The following CRACD variants were observed in gnomAD, a reference collection of about 807,000 sequenced individuals.
CRACD encodes the protein capping protein inhibiting regulator of actin dynamics, also known as capping protein-inhibiting regulator of actin dynamics.
In CRACD, 56 loss-of-function variants were observed where a neutral mutation model predicts 106.8. The observed-to-expected ratio is 0.52, with a 90% CI of 0.42 to 0.66. The LOEUF (loss-of-function observed/expected upper bound fraction) is 0.66, where lower values mean the gene tolerates loss of function less well. CRACD is among the 30% of genes least tolerant of loss of function. CRACD has a pLI of 0.00. For missense variants in CRACD, 1,730 were observed against 1,623.2 expected, an observed-to-expected ratio of 1.07 and a Z score of -1.13; for synonymous variants, 754 against 670.8, an observed-to-expected ratio of 1.12 and a Z score of -1.92.
At chr4:56,054,220 AC>A (rs1731974262) in intron 1 of CRACD, among the ~76,000 whole-genome samples, 1 of 152,038 alleles carries the variant, frequency 6.6e-6, no homozygotes. Flanking sequence ...TTGCTCTGTC[AC>A]CCAGGCTGGA....
chr4:56,065,708 A>AC (rs1383821809), intron 1 of CRACD, among the ~76,000 whole-genome samples: 1 of 151,930 alleles, frequency 6.6e-6, no homozygotes, highest in East Asian at 1.9e-4. Flanking sequence ...TTACTATTTT[A>AC]CCCATTTTTA....
At chr4:56,231,934 G>A (rs564182781) in intron 2 of CRACD, among the ~76,000 whole-genome samples, 11 of 152,300 alleles carry the variant, frequency 7.2e-5, no homozygotes, top group Non-Finnish European at 7.4e-5. Context: ...TAAAGAACAT[G>A]TGTTGTGTAT....
intron 5 of CRACD, chr4:56,308,769 A>G (rs899943224): frequency 1.0e-6 from 1 of 985,274 alleles, no homozygotes; most frequent in African/African-American, 1.7e-5. Flanking sequence ...CGGCAGCTCT[A>G]AAATTGCTCT....
chr4:56,215,123 C>A (rs919752257), intron 2 of CRACD, among the ~76,000 whole-genome samples: 5 of 152,174 alleles, frequency 3.3e-5, no homozygotes, highest in African/African-American at 1.2e-4. Flanking sequence ...ATTCTTCCCA[C>A]CTCAGCCTCC....
intron 2 of CRACD, among the ~76,000 whole-genome samples, chr4:56,193,421 A>G (rs556525275): frequency 1.3e-5 from 2 of 152,320 alleles, no homozygotes; most frequent in Admixed American, 6.5e-5. Context: ...GGGGGAGACT[A>G]TTTAAAAGAA....
At chr4:56,291,515 C>A (rs755744111) in intron 3 of CRACD, among the ~76,000 whole-genome samples, 1 of 152,094 alleles carries the variant, frequency 6.6e-6, no homozygotes, top group Non-Finnish European at 1.5e-5. Flanking sequence ...GAACTTTGGG[C>A]AATATTTTTA....
rs1745471814 is a variant in CRACD at position 56,314,902 on chromosome 4, G to A, written c.1400G>A (p.Arg467Lys). 1 of 1,609,298 alleles carries A rather than the reference G, an allele frequency of 6.2e-7. No individual in the cohort carries two copies. The highest frequency in any genetic ancestry group is 8.5e-7 in the Non-Finnish European group (1 of 1,178,622). Reference protein sequence around the residue: ...EAERRREQQGRSGDFQGADRP... With the variant: ...EAERRREQQGKSGDFQGADRP... The stretch of plus-strand genomic sequence containing the variant: ...GAGCGGCGAAGAGAGCAGCAGGGAA[G>A]GAGCGGGGATTTCCAGGGGGCCGAT... The change falls in exon 8 of 11, where the codon AGG becomes AAG. Residue 467 changes from arginine to lysine, a missense_variant. Physicochemically the swap from Arg to Lys is conservative, Grantham distance 26. Coordinates refer to ENST00000682029, the MANE Select transcript of CRACD (RefSeq NM_001393381.1). The surrounding 1 kb of genome is among the most constrained non-coding windows in gnomAD (Gnocchi z 4.4).
intron 1 of CRACD, among the ~76,000 whole-genome samples, chr4:56,101,683 A>C (rs900418843): frequency 2.3e-4 from 35 of 151,558 alleles, no homozygotes; most frequent in African/African-American, 8.0e-4. Flanking sequence ...GAATCGCTTG[A>C]ACCCAGCAGG....
chr4:56,253,426 C>T (rs1212184238), intron 2 of CRACD, among the ~76,000 whole-genome samples: 1 of 152,150 alleles, frequency 6.6e-6, no homozygotes, highest in Non-Finnish European at 1.5e-5. Flanking sequence ...CCTCATTTTG[C>T]AGATGTGGGA....
At chr4:56,066,888 A>G (rs1013250487) in intron 1 of CRACD, among the ~76,000 whole-genome samples, 11 of 152,200 alleles carry the variant, frequency 7.2e-5, no homozygotes, top group Non-Finnish European at 1.2e-4. Context: ...TGACTGAAAA[A>G]CAGTCTAGAA....
intron 3 of CRACD, among the ~76,000 whole-genome samples, chr4:56,290,460 TGAG>T (rs772864857): frequency 6.6e-6 from 1 of 152,036 alleles, no homozygotes; most frequent in Admixed American, 6.6e-5. Flanking sequence ...TGGAGACACA[TGAG>T]GAGAAGAAGA....
intron 1 of CRACD, among the ~76,000 whole-genome samples, chr4:56,177,495 G>A (rs532450068): frequency 6.6e-6 from 1 of 152,052 alleles, no homozygotes; most frequent in South Asian, 2.1e-4. Context: ...TCTTTTTTAT[G>A]TCTTTGGTTT....
rs1256159905 is a variant in CRACD at position 56,292,465 on chromosome 4, CT to C, written c.-16-5748del. Among the ~76,000 whole-genome samples the C allele has an allele frequency of 3.3e-5, 5 of 152,016 alleles. No individual in the cohort carries two copies. The South Asian group carries it at 8.3e-4, about 25-fold the overall frequency. On this transcript the variant is annotated intron_variant, in intron 3 of 10. Coordinates refer to ENST00000682029, the MANE Select transcript of CRACD (RefSeq NM_001393381.1). ...TGGATTGAAGTGATGTGCTTCTTTGCTGTTTGAAGCCTTCAAGAAGATCAGG... is the reference window on the plus strand; with the variant it reads ...TGGATTGAAGTGATGTGCTTCTTTGCGTTTGAAGCCTTCAAGAAGATCAGG...
At chr4:56,289,251 AT>A (rs898002309) in intron 3 of CRACD, among the ~76,000 whole-genome samples, 9 of 152,228 alleles carry the variant, frequency 5.9e-5, no homozygotes, top group Admixed American at 1.3e-4. Context: ...TACTTAAAAA[AT>A]GTTAAAATAC....
chr4:56,185,167 C>T (rs1462519767), intron 2 of CRACD, among the ~76,000 whole-genome samples: 1 of 152,096 alleles, frequency 6.6e-6, no homozygotes. Context: ...CTGTGTTAGC[C>T]AGGATGGTCT....
intron 3 of CRACD, among the ~76,000 whole-genome samples, chr4:56,274,219 C>T (rs1437782616): frequency 6.6e-6 from 1 of 152,154 alleles, no homozygotes; most frequent in African/African-American, 2.4e-5. Flanking sequence ...AGTTTGAATC[C>T]ATTTTGATTT....
chr4:56,092,595 T>TCTTTTTTA (rs967626565), intron 1 of CRACD, among the ~76,000 whole-genome samples: 4 of 152,164 alleles, frequency 2.6e-5, no homozygotes, highest in African/African-American at 9.7e-5. Flanking sequence ...TTATTTTATT[T>TCTTTTTTA]ATTTTTTAAT....
chr4:56,295,660 CATATATATATATATATA>C (rs1743968500), intron 3 of CRACD, among the ~76,000 whole-genome samples: 1 of 109,116 alleles, frequency 9.2e-6, no homozygotes, highest in Non-Finnish European at 1.8e-5. Flanking sequence ...AATTAGTAAA[CATATATATATATATATA>C]TATATATATA....
rs187853892 is a variant in CRACD at position 56,075,075 on chromosome 4, G to A, written c.-336+25776G>A. Among the ~76,000 whole-genome samples, 416 of 152,206 alleles carry A rather than the reference G, an allele frequency of 2.7e-3. 2 individuals are homozygous for A. Among genetic ancestry groups the A allele is most frequent in the Non-Finnish European group, 5.1e-3 (346 of 68,006 alleles). On this transcript the variant is annotated intron_variant, in intron 1 of 10. Coordinates refer to ENST00000682029, the MANE Select transcript of CRACD (RefSeq NM_001393381.1). ...TGGATAAGCTTTTTGATGTGCTGTT[G>A]GATTTGGTTTGCCAGTTTTTTATTG...
Sources: allele counts gnomAD v4.1 joint callset (sites outside exome capture counted in the v4.1 genomes callset), GRCh38; gene constraint gnomAD v4.1.1; non-coding constraint Gnocchi (gnomAD v3.1); transcripts MANE v1.5; gene names NCBI Gene and HGNC (gene_info 2026-07-23, HGNC 2026-07-21).